Variants in SH3RF1 observed in about 807,000 individuals in gnomAD.
SH3RF1 encodes E3 ubiquitin-protein ligase SH3RF1.
A neutral mutation model predicts 74.0 loss-of-function variants in SH3RF1; 32 were observed. The observed-to-expected ratio is 0.43, with a 90% CI of 0.33 to 0.58. The LOEUF (loss-of-function observed/expected upper bound fraction) is 0.58. Among genes scored for constraint, SH3RF1 ranks in the 20% least tolerant of loss-of-function variants. SH3RF1 has a pLI of 0.05. For missense variants in SH3RF1, 954 were observed against 1,130.9 expected (o/e 0.84, Z 2.24); for synonymous variants, 396 against 439.6 (o/e 0.90, Z 1.24).
At chr4:169,147,322 G>T (rs981269380) in intron 4 of SH3RF1, among the ~76,000 whole-genome samples, 1 of 152,208 alleles carries the variant, frequency 6.6e-6, no homozygotes, top group African/African-American at 2.4e-5. Flanking sequence ...AGGAGGTTAT[G>T]AACATGGAAT....
intron 2 of SH3RF1, among the ~76,000 whole-genome samples, chr4:169,264,916 G>A (rs1043033836): frequency 3.9e-5 from 6 of 151,908 alleles, no homozygotes; most frequent in Non-Finnish European, 7.4e-5. Flanking sequence ...AATATTCTTC[G>A]CCTCTGCCCC....
At chr4:169,126,771 T>G (rs1733532076) in intron 6 of SH3RF1, among the ~76,000 whole-genome samples, 1 of 151,934 alleles carries the variant, frequency 6.6e-6, no homozygotes, top group South Asian at 2.1e-4. Context: ...ATTTTTTTTT[T>G]GTAGAGACAG....
intron 2 of SH3RF1, among the ~76,000 whole-genome samples, chr4:169,253,023 CA>C (rs1554011112): frequency 6.6e-6 from 1 of 152,130 alleles, no homozygotes; most frequent in Non-Finnish European, 1.5e-5. Flanking sequence ...GAGAAATTTA[CA>C]TATCAGGTTA....
chr4:169,210,301 G>A (rs1730336323), intron 2 of SH3RF1, among the ~76,000 whole-genome samples: 1 of 151,980 alleles, frequency 6.6e-6, no homozygotes, highest in Non-Finnish European at 1.5e-5. Context: ...AGAATTATTT[G>A]CATTTGAAAA....
chr4:169,212,361 G>T (rs1730391942), intron 2 of SH3RF1, among the ~76,000 whole-genome samples: 1 of 151,890 alleles, frequency 6.6e-6, no homozygotes, highest in Non-Finnish European at 1.5e-5. Context: ...ACCGCGCCTG[G>T]ACTATTTTCT....
intron 4 of SH3RF1, among the ~76,000 whole-genome samples, chr4:169,148,720 G>T (rs183086819): frequency 1.7e-3 from 258 of 151,914 alleles, no homozygotes; most frequent in African/African-American, 4.5e-3. Context: ...AGGAGAGGGG[G>T]TTTTTTTTGG....
intron 2 of SH3RF1, among the ~76,000 whole-genome samples, chr4:169,252,561 A>ATGAC (rs1471315670): frequency 6.6e-6 from 1 of 152,366 alleles, no homozygotes; most frequent in African/African-American, 2.4e-5. Context: ...TGATTGCCAG[A>ATGAC]TAATAGTCAA....
intron 11 of SH3RF1, among the ~76,000 whole-genome samples, chr4:169,096,967 G>C (rs1397422515): frequency 6.6e-6 from 1 of 152,184 alleles, no homozygotes; most frequent in African/African-American, 2.4e-5. Flanking sequence ...ACCAGTGTTT[G>C]TATCTTGGCC....
At chr4:169,122,919 C>T (rs1454277093) in intron 6 of SH3RF1, among the ~76,000 whole-genome samples, 1 of 152,114 alleles carries the variant, frequency 6.6e-6, no homozygotes, top group African/African-American at 2.4e-5. Context: ...ATGGGCACAG[C>T]CTAATGGGGT....
intron 2 of SH3RF1, among the ~76,000 whole-genome samples, chr4:169,230,938 C>T (rs576509844): frequency 6.6e-5 from 10 of 151,690 alleles, no homozygotes; most frequent in African/African-American, 2.4e-4. Context: ...GTTTATAGCC[C>T]TCAAGTATAA....
intron 6 of SH3RF1, 76 bp downstream of exon 6, chr4:169,129,970 T>G: frequency 9.1e-7 from 1 of 1,103,680 alleles, no homozygotes; most frequent in Non-Finnish European, 1.4e-6. Context: ...GCTGCAGGTG[T>G]TAGGAGGTGG....
intron 4 of SH3RF1, among the ~76,000 whole-genome samples, chr4:169,143,825 T>C (rs1484949499): frequency 2.0e-5 from 3 of 152,244 alleles, no homozygotes; most frequent in Admixed American, 1.3e-4. Flanking sequence ...CTGTTGGCCC[T>C]AGCTGTTAAA....
At chr4:169,240,111 C>T (rs936340166) in intron 2 of SH3RF1, among the ~76,000 whole-genome samples, 2 of 152,112 alleles carry the variant, frequency 1.3e-5, no homozygotes, top group Admixed American at 1.3e-4. Flanking sequence ...AGTAAAGTCA[C>T]CAAGGTATTT....
chr4:169,225,947 A>T (rs1359952512), intron 2 of SH3RF1, among the ~76,000 whole-genome samples: 2 of 152,186 alleles, frequency 1.3e-5, no homozygotes, highest in Non-Finnish European at 2.9e-5. Flanking sequence ...AGATAAGGGA[A>T]GATGATCAAG....
intron 6 of SH3RF1, among the ~76,000 whole-genome samples, chr4:169,129,747 A>T (rs1733581583): frequency 6.6e-6 from 1 of 152,238 alleles, no homozygotes; most frequent in Non-Finnish European, 1.5e-5. Flanking sequence ...CTAGAAACTC[A>T]AAAGAAATAA....
chr4:169,130,203 A>G, intron 5 of SH3RF1, 47 bp from the exon 6 acceptor site: 1 of 1,285,010 alleles, frequency 7.8e-7, no homozygotes, highest in Non-Finnish European at 1.0e-6. Flanking sequence ...TGTTTAATAC[A>G]ACAGAATATA....
intron 4 of SH3RF1, among the ~76,000 whole-genome samples, chr4:169,142,869 T>C (rs934883469): frequency 6.6e-6 from 1 of 152,254 alleles, no homozygotes; most frequent in African/African-American, 2.4e-5. Flanking sequence ...GAAACTGGTA[T>C]TCCCATTTGT....
At chr4:169,123,000 A>G (rs1733465957) in intron 6 of SH3RF1, among the ~76,000 whole-genome samples, 1 of 152,258 alleles carries the variant, frequency 6.6e-6, no homozygotes, top group East Asian at 1.9e-4. Context: ...ATAAACCCAG[A>G]TAATTCTTTA....
At chr4:169,155,702 T>C in intron 3 of SH3RF1, 127 bp from the exon 4 acceptor site, 1 of 693,004 alleles carries the variant, frequency 1.4e-6, no homozygotes, top group South Asian at 1.8e-5. Flanking sequence ...TGCTATGACA[T>C]ATCTTTAGTA....
Sources: gnomAD v4.1 joint callset for allele counts (sites outside exome capture counted in the v4.1 genomes callset) on GRCh38, gnomAD v4.1.1 for gene constraint, MANE v1.5 for transcripts, NCBI Gene and HGNC (gene_info 2026-07-23, HGNC 2026-07-21) for gene names.